The following CEP70 variants were observed in gnomAD, a reference collection of about 807,000 sequenced individuals.
CEP70 encodes centrosomal protein 70.
In CEP70, 70 loss-of-function variants were observed where a neutral mutation model predicts 90.9. That is an observed-to-expected ratio of 0.77 (90% confidence interval 0.64 to 0.94). The LOEUF (loss-of-function observed/expected upper bound fraction) is 0.94, where lower values mean the gene tolerates loss of function less well. Among genes scored for constraint, CEP70 ranks in the 40% least tolerant of loss-of-function variants. The pLI is 0.00. For synonymous variants in CEP70, 220 were observed against 228.3 expected (o/e 0.96, Z 0.33); for missense variants, 648 against 669.0 (o/e 0.97, Z 0.35).
chr3:138,533,986 G>A (rs1190592702), intron 7 of CEP70, among the ~76,000 whole-genome samples: 5 of 151,938 alleles, frequency 3.3e-5, no homozygotes, highest in Non-Finnish European at 7.4e-5. Context: ...GGGTTTCACC[G>A]TGTTAGCCAG....
intron 6 of CEP70, among the ~76,000 whole-genome samples, chr3:138,554,639 T>C (rs1421033270): frequency 2.0e-5 from 3 of 152,148 alleles, no homozygotes; most frequent in African/African-American, 7.2e-5. Context: ...ACAAAATTAA[T>C]GTACATAAAT....
At position 138,500,566 on chromosome 3, in the gene CEP70, T is replaced by G. The variant is rs768605227; in HGVS notation, c.1370A>C (p.Asp457Ala). 26 of 1,582,652 alleles carry G rather than the reference T, an allele frequency of 1.6e-5. No homozygotes were observed. Among genetic ancestry groups the G allele is most frequent in the Non-Finnish European group, 2.2e-5 (26 of 1,171,938 alleles). ...MLEEVENKEK[D>A]SNMPHFQTLQ... ...AGTTTGAAAGTGTGGCATATTGCTGTCCTGTCCAAAAAAGAGGTAAAAAAG... is the reference window on the plus strand; with the variant it reads ...AGTTTGAAAGTGTGGCATATTGCTGGCCTGTCCAAAAAAGAGGTAAAAAAG... Residue 457 changes from aspartate to alanine, a missense_variant and splice_region_variant, in exon 15 of 18, where the codon GAC (aspartate) becomes GCC (alanine). Coordinates refer to ENST00000264982, the MANE Select transcript of CEP70 (RefSeq NM_024491.4).
At chr3:138,507,153 G>A (rs550096770) in intron 12 of CEP70, among the ~76,000 whole-genome samples, 3 of 152,250 alleles carry the variant, frequency 2.0e-5, no homozygotes, top group South Asian at 2.1e-4. Context: ...TTTCAGAAAG[G>A]TGCTTGGTTC....
intron 8 of CEP70, among the ~76,000 whole-genome samples, chr3:138,530,394 G>C (rs1003800933): frequency 2.6e-5 from 4 of 152,104 alleles, no homozygotes; most frequent in African/African-American, 4.8e-5. Context: ...ATGATTTCTA[G>C]TATTACACAT....
chr3:138,517,968 C>T lies in CEP70; in HGVS notation c.944+7522G>A, dbSNP rs543335742. 7.6e-4 allele frequency among the ~76,000 whole-genome samples: 115 copies of T among 152,298 alleles called. 1 individual carries two copies. Among genetic ancestry groups the T allele is most frequent in the Non-Finnish European group, 1.5e-3 (105 of 68,020 alleles). The stretch of plus-strand genomic sequence containing the variant: ...GGGTGACAGACAGCACCTGGAAAAT[C>T]GGGTCACTCCCACCCTAACACTGCA... On this transcript the variant is annotated intron_variant, in intron 11 of 17. Transcript: ENST00000264982.
At chr3:138,503,282 T>C (rs1480546586) in intron 13 of CEP70, among the ~76,000 whole-genome samples, 1 of 152,208 alleles carries the variant, frequency 6.6e-6, no homozygotes, top group Non-Finnish European at 1.5e-5. Context: ...GGAATCTTCT[T>C]GTGACTGACT....
chr3:138,529,515 AAACT>A (rs2037620092), intron 8 of CEP70, 53 bp from the exon 9 acceptor site: 5 of 1,032,160 alleles, frequency 4.8e-6, no homozygotes, highest in Admixed American at 4.3e-5. Context: ...TCAAAGAAAA[AAACT>A]AATTAAACCA....
intron 17 of CEP70, chr3:138,497,012 T>A (rs1341702836): frequency 1.0e-6 from 1 of 993,870 alleles, no homozygotes; most frequent in Non-Finnish European, 1.2e-6. Flanking sequence ...TATTATTCTA[T>A]GAAACCAGGC....
At chr3:138,560,365 T>C (rs548672737) in intron 6 of CEP70, among the ~76,000 whole-genome samples, 9 of 152,292 alleles carry the variant, frequency 5.9e-5, no homozygotes, top group African/African-American at 2.2e-4. Flanking sequence ...CTTCACAACC[T>C]GCAGACCGGA....
intron 11 of CEP70, among the ~76,000 whole-genome samples, chr3:138,523,747 G>A (rs111322171): frequency 5.9e-5 from 9 of 151,994 alleles, no homozygotes; most frequent in South Asian, 2.1e-4. Context: ...ATGGAAGAAC[G>A]TTCCATGCTC....
chr3:138,527,569 C>T (rs1576658209), intron 10 of CEP70, among the ~76,000 whole-genome samples: 1 of 151,550 alleles, frequency 6.6e-6, no homozygotes, highest in South Asian at 2.1e-4. Context: ...TGATGGGCGC[C>T]TGTAGTCCCA....
At chr3:138,528,089 G>GA (rs2037464581) in intron 10 of CEP70, among the ~76,000 whole-genome samples, 1 of 147,474 alleles carries the variant, frequency 6.8e-6, no homozygotes, top group East Asian at 2.0e-4. Context: ...CTGTCACACA[G>GA]GCTGGAGTAC....
intron 8 of CEP70, chr3:138,531,525 T>A (rs538277157): frequency 6.6e-6 from 1 of 152,316 alleles, no homozygotes; most frequent in East Asian, 1.9e-4. Context: ...ACAGCCGAGT[T>A]GAGTAGTTGT....
At chr3:138,543,982 C>G (rs537615733) in intron 6 of CEP70, among the ~76,000 whole-genome samples, 1 of 150,778 alleles carries the variant, frequency 6.6e-6, no homozygotes, top group Non-Finnish European at 1.5e-5. Flanking sequence ...GTGATCAAGG[C>G]AAGATATCTA....
chr3:138,520,939 C>G (rs1032499135), intron 11 of CEP70, among the ~76,000 whole-genome samples: 1 of 152,140 alleles, frequency 6.6e-6, no homozygotes, highest in African/African-American at 2.4e-5. Context: ...CTGCTGAGTG[C>G]CTGGGATTGC....
chr3:138,587,471 T>C (rs537437637), intron 2 of CEP70, among the ~76,000 whole-genome samples: 1 of 151,944 alleles, frequency 6.6e-6, no homozygotes, highest in Non-Finnish European at 1.5e-5. Flanking sequence ...AAAAGATCTA[T>C]AAAAGACAAA....
chr3:138,516,369 T>A (rs1227120602), intron 11 of CEP70, among the ~76,000 whole-genome samples: 1 of 151,970 alleles, frequency 6.6e-6, no homozygotes, highest in African/African-American at 2.4e-5. Flanking sequence ...GTTTTCCTCC[T>A]CTATTATCTT....
At chr3:138,558,190 C>A (rs2040157608) in intron 6 of CEP70, among the ~76,000 whole-genome samples, 1 of 152,084 alleles carries the variant, frequency 6.6e-6, no homozygotes, top group African/African-American at 2.4e-5. Flanking sequence ...CATGGTGAAA[C>A]CCTGTTTCCA....
chr3:138,551,462 C>A (rs2039605855), intron 6 of CEP70, among the ~76,000 whole-genome samples: 1 of 152,024 alleles, frequency 6.6e-6, no homozygotes. Context: ...TTAAAAAAAT[C>A]TGGCTGGGTG....
Sources: allele counts gnomAD v4.1 joint callset (sites outside exome capture counted in the v4.1 genomes callset), GRCh38; gene constraint gnomAD v4.1.1; transcripts MANE v1.5; gene names NCBI Gene and HGNC (gene_info 2026-07-23, HGNC 2026-07-21).